Variants in LRP1B observed in about 807,000 individuals in gnomAD.
The protein encoded by LRP1B is LDL receptor related protein 1B.
Under a neutral mutation model 556.6 loss-of-function variants are expected in LRP1B, and 217 were observed. The observed-to-expected ratio is 0.39, with a 90% CI of 0.35 to 0.44. LRP1B has a LOEUF of 0.44. Ranked by LOEUF, LRP1B falls within the 20% of genes least tolerant of loss-of-function variation. The pLI, the probability that LRP1B is intolerant of heterozygous loss-of-function variation, is 1.00. For synonymous variants in LRP1B, 2,047 were observed against 1,865.8 expected, an observed-to-expected ratio of 1.10 and a Z score of -2.50; for missense variants, 5,053 against 5,620.8, an observed-to-expected ratio of 0.90 and a Z score of 3.23.
intron 1 of LRP1B, among the ~76,000 whole-genome samples, chr2:142,117,981 T>C (rs1049049082): frequency 6.6e-6 from 1 of 152,138 alleles, no homozygotes; most frequent in African/African-American, 2.4e-5. Flanking sequence ...AGCATAGAAA[T>C]TTAAGCAGCC....
chr2:141,354,239 C>A (rs1372868365), intron 3 of LRP1B, among the ~76,000 whole-genome samples: 4 of 152,100 alleles, frequency 2.6e-5, no homozygotes, highest in Middle Eastern at 3.4e-3. Context: ...AATCAGGTCA[C>A]ATCAAAATAG....
intron 66 of LRP1B, among the ~76,000 whole-genome samples, chr2:140,427,042 C>G (rs1321670709): frequency 6.6e-6 from 1 of 152,154 alleles, no homozygotes; most frequent in Non-Finnish European, 1.5e-5. Context: ...TTCAATCTCT[C>G]CCTTCTCTTA....
chr2:141,380,215 T>G (rs983770245), intron 3 of LRP1B, among the ~76,000 whole-genome samples: 10 of 141,052 alleles, frequency 7.1e-5, no homozygotes, highest in African/African-American at 2.3e-4. Context: ...CCTCTTGGTT[T>G]GCTCCAGGAG....
chr2:141,406,547 C>CATCTATCT lies in LRP1B; in HGVS notation c.343+73841_343+73848dup, dbSNP rs71982875. Among the ~76,000 whole-genome samples the CATCTATCT allele has an allele frequency of 6.2e-3, 933 of 149,300 alleles. 9 individuals carry two copies. Among genetic ancestry groups the CATCTATCT allele is most frequent in the African/African-American group, 6.3e-3 (255 of 40,552 alleles). The stretch of plus-strand genomic sequence containing the variant: ...ATACAGGTGTAGAGTATCTATCTAT[C>CATCTATCT]ATCTATCTATCTATCTATCTATCTA... On this transcript the variant is annotated intron_variant, in intron 3 of 90. Coordinates refer to ENST00000389484, the MANE Select transcript of LRP1B (RefSeq NM_018557.3).
In LRP1B at chr2:140,782,322, T is replaced by G. The variant is rs567774251; in HGVS notation, c.5360-6084A>C. Among the ~76,000 whole-genome samples, 22 of 152,304 alleles carry G rather than the reference T, an allele frequency of 1.4e-4. No individual in the cohort carries two copies. In the East Asian group the frequency reaches 3.9e-3, roughly 27 times the overall value. ...TTTAGAGAAAGAGTCTTTAAAGAGA[T>G]ATTTAATAATTAAGTCTAAACGAGG... On this transcript the variant is annotated intron_variant, in intron 32 of 90. Coordinates refer to ENST00000389484, the MANE Select transcript of LRP1B (RefSeq NM_018557.3).
At chr2:141,543,039 A>T (rs1574062443) in intron 2 of LRP1B, among the ~76,000 whole-genome samples, 1 of 152,176 alleles carries the variant, frequency 6.6e-6, no homozygotes, top group Non-Finnish European at 1.5e-5. Flanking sequence ...TAAAAACTAA[A>T]TATATTTATT....
chr2:140,534,068 T>C lies in LRP1B; in HGVS notation c.7715A>G (p.Asp2572Gly). Residue 2572 changes from aspartate to glycine, a missense_variant, in exon 47 of 91, where the codon GAT becomes GGT. Coordinates refer to ENST00000389484, the MANE Select transcript of LRP1B (RefSeq NM_018557.3). ...RRCIPHGKLC[D>G]GENDCGDNSD... ...GTTGTCTCCGCAGTCATTTTCTCCA[T>C]CACATAACTTGCCATGAGGAATGCA... 5 of 1,613,500 alleles carry C rather than the reference T, an allele frequency of 3.1e-6. No homozygotes were observed. Among genetic ancestry groups the C allele is most frequent in the Non-Finnish European group, 4.2e-6 (5 of 1,179,604 alleles).
intron 1 of LRP1B, among the ~76,000 whole-genome samples, chr2:142,101,153 T>C (rs914279452): frequency 3.3e-5 from 5 of 152,034 alleles, no homozygotes; most frequent in African/African-American, 7.2e-5. Context: ...GGATCAACTG[T>C]AGGCTGATTC....
chr2:142,019,633 T>G (rs1703268564), intron 1 of LRP1B, among the ~76,000 whole-genome samples: 2 of 152,266 alleles, frequency 1.3e-5, no homozygotes, highest in Middle Eastern at 6.8e-3. Flanking sequence ...ACAACTCAGA[T>G]TTTGGTGCCC....
At chr2:141,726,807 G>A (rs1416925931) in intron 2 of LRP1B, among the ~76,000 whole-genome samples, 2 of 152,064 alleles carry the variant, frequency 1.3e-5, no homozygotes, top group Non-Finnish European at 2.9e-5. Flanking sequence ...TATAAAGTTT[G>A]TTCATAGAAT....
At chr2:141,318,063 G>T (rs144394510) in intron 3 of LRP1B, among the ~76,000 whole-genome samples, 1 of 152,084 alleles carries the variant, frequency 6.6e-6, no homozygotes, top group Non-Finnish European at 1.5e-5. Context: ...ACCACTAAGG[G>T]TTAACTTCTG....
chr2:140,750,807 C>A (rs1161007493), intron 35 of LRP1B, among the ~76,000 whole-genome samples: 3 of 151,948 alleles, frequency 2.0e-5, no homozygotes, highest in Non-Finnish European at 4.4e-5. Context: ...TAATACATGA[C>A]CAAATATGCA....
At chr2:141,265,686 C>CA (rs1285758968) in intron 3 of LRP1B, among the ~76,000 whole-genome samples, 2 of 151,970 alleles carry the variant, frequency 1.3e-5, no homozygotes, top group Non-Finnish European at 2.9e-5. Context: ...ATTCTCAAAA[C>CA]AAAAAAGTAA....
At chr2:141,698,996 T>C (rs1691839130) in intron 2 of LRP1B, among the ~76,000 whole-genome samples, 1 of 151,898 alleles carries the variant, frequency 6.6e-6, no homozygotes, top group East Asian at 1.9e-4. Context: ...TAGCTACTCT[T>C]ATTTGAAGAC....
At chr2:141,106,077 T>A (rs1448862416) in intron 7 of LRP1B, among the ~76,000 whole-genome samples, 3 of 152,256 alleles carry the variant, frequency 2.0e-5, no homozygotes, top group South Asian at 2.1e-4. Flanking sequence ...TCACCACTTT[T>A]AAAAAAATAA....
intron 3 of LRP1B, among the ~76,000 whole-genome samples, chr2:141,468,766 G>T (rs1157849363): frequency 6.6e-6 from 1 of 152,030 alleles, no homozygotes; most frequent in Non-Finnish European, 1.5e-5. Flanking sequence ...TTCTGGTTTT[G>T]TACCTGTACT....
chr2:141,868,718 C>T (rs982583778), intron 1 of LRP1B, among the ~76,000 whole-genome samples: 1 of 151,982 alleles, frequency 6.6e-6, no homozygotes, highest in African/African-American at 2.4e-5. Flanking sequence ...TTGTATTTTT[C>T]CCCCTTATTT....
chr2:141,550,068 G>A (rs62169792), intron 2 of LRP1B, among the ~76,000 whole-genome samples: 41,808 of 152,074 alleles, frequency 0.27, 5,856 homozygotes, highest in South Asian at 0.45. Flanking sequence ...ATCCTCATAC[G>A]TATATTTTGT....
chr2:142,127,791 T>C (rs1376083331), intron 1 of LRP1B, among the ~76,000 whole-genome samples: 1 of 152,036 alleles, frequency 6.6e-6, no homozygotes, highest in Non-Finnish European at 1.5e-5. Context: ...TGGAAATGTG[T>C]CTCCACATTG....
Sources: gnomAD v4.1 joint callset for allele counts (sites outside exome capture counted in the v4.1 genomes callset) on GRCh38, gnomAD v4.1.1 for gene constraint, MANE v1.5 for transcripts, NCBI Gene and HGNC (gene_info 2026-07-23, HGNC 2026-07-21) for gene names.